SMG6: variants seen among roughly 807,000 people sequenced by gnomAD.
The protein encoded by SMG6 is telomerase-binding protein EST1A.
SMG6 carries 66 observed loss-of-function variants against 142.2 expected under a neutral mutation model. The ratio of observed to expected loss-of-function variants is 0.46; its 90% CI spans 0.38 to 0.57. SMG6 has a LOEUF of 0.57. Among genes scored for constraint, SMG6 ranks in the 20% least tolerant of loss-of-function variants. The pLI is 0.00. For missense variants in SMG6, 1,793 were observed against 1,832.0 expected (o/e 0.98, Z 0.39); for synonymous variants, 779 against 702.4 (o/e 1.11, Z -1.72).
chr17:2,209,830 T>C (rs188843040), intron 10 of SMG6, among the ~76,000 whole-genome samples: 111 of 152,280 alleles, frequency 7.3e-4, no homozygotes, highest in Admixed American at 4.5e-3. Flanking sequence ...AATATATGTA[T>C]ACAAAAGTGA....
intron 10 of SMG6, chr17:2,229,558 C>G (rs1291154524): frequency 6.6e-6 from 1 of 152,188 alleles, no homozygotes; most frequent in Non-Finnish European, 1.5e-5. Context: ...AAACAGGACA[C>G]AAAATATCTG....
chr17:2,236,967 T>A, intron 9 of SMG6: 1 of 457,874 alleles, frequency 2.2e-6, no homozygotes, highest in Non-Finnish European at 3.0e-6. Flanking sequence ...AGTTTCTCTC[T>A]GAAACCATCG....
chr17:2,159,837 A>C (rs1344956778), intron 13 of SMG6, among the ~76,000 whole-genome samples: 1 of 152,252 alleles, frequency 6.6e-6, no homozygotes, highest in East Asian at 1.9e-4. Flanking sequence ...CTCATCAATA[A>C]ACGACTGAAA....
intron 8 of SMG6, among the ~76,000 whole-genome samples, chr17:2,279,266 A>G (rs2074729685): frequency 6.6e-6 from 1 of 152,196 alleles, no homozygotes; most frequent in Non-Finnish European, 1.5e-5. Flanking sequence ...AGGAGCCAGA[A>G]AAGAGCTTGG....
chr17:2,214,627 T>G (rs375823349), intron 10 of SMG6, among the ~76,000 whole-genome samples: 2 of 152,322 alleles, frequency 1.3e-5, no homozygotes, highest in South Asian at 2.1e-4. Flanking sequence ...AGGTGTATAT[T>G]AAACAAACTA....
chr17:2,092,175 G>A lies in SMG6; in HGVS notation c.3358-6274C>T, dbSNP rs573280695. ...TAATTTATGTATTTTCAGTAGAGAC[G>A]GGGTTTCGCCATGTTGGCCAGGCTG... is the stretch of plus-strand genomic sequence containing the variant. On this transcript the variant is annotated intron_variant, in intron 13 of 18. Transcript: ENST00000263073. Among the ~76,000 whole-genome samples the A allele has an allele frequency of 1.4e-4, 21 of 152,134 alleles. No homozygotes were observed. In the South Asian group the frequency reaches 4.4e-3, roughly 32 times the overall value.
chr17:2,260,215 G>A (rs993122217), intron 8 of SMG6, among the ~76,000 whole-genome samples: 5 of 152,178 alleles, frequency 3.3e-5, no homozygotes, highest in African/African-American at 7.2e-5. Context: ...CCTGGCATTC[G>A]CCTTGACACT....
intron 8 of SMG6, among the ~76,000 whole-genome samples, chr17:2,272,778 A>T (rs1160770126): frequency 6.6e-6 from 1 of 151,954 alleles, no homozygotes; most frequent in Admixed American, 6.6e-5. Context: ...CTCTACTAAA[A>T]ATACTAAAAA....
chr17:2,210,652 C>A (rs1045050072), intron 10 of SMG6, among the ~76,000 whole-genome samples: 1 of 149,626 alleles, frequency 6.7e-6, no homozygotes, highest in African/African-American at 2.5e-5. Flanking sequence ...GGATGCTGCA[C>A]GAGAAAGAGG....
intron 8 of SMG6, among the ~76,000 whole-genome samples, chr17:2,257,693 C>T (rs1007939005): frequency 6.6e-5 from 10 of 151,990 alleles, no homozygotes; most frequent in Non-Finnish European, 1.5e-4. Flanking sequence ...ATTTATCTTC[C>T]AGCCCAGTGG....
intron 13 of SMG6, among the ~76,000 whole-genome samples, chr17:2,120,353 TAACTC>T (rs1567613121): frequency 6.6e-6 from 1 of 151,606 alleles, no homozygotes; most frequent in Non-Finnish European, 1.5e-5. Flanking sequence ...AACAAGAAAA[TAACTC>T]AAGAAAATGG....
intron 13 of SMG6, among the ~76,000 whole-genome samples, chr17:2,121,529 TTA>T (rs947837926): frequency 1.4e-5 from 2 of 143,174 alleles, no homozygotes; most frequent in Non-Finnish European, 3.0e-5. Flanking sequence ...TATAATATAA[TTA>T]TATGATTATT....
intron 6 of SMG6, among the ~76,000 whole-genome samples, chr17:2,289,700 C>CACG (rs2074988102): frequency 6.6e-6 from 1 of 151,906 alleles, no homozygotes; most frequent in African/African-American, 2.4e-5. Context: ...CACTTGAGGT[C>CACG]ACAAGTTCAA....
intron 13 of SMG6, among the ~76,000 whole-genome samples, chr17:2,110,081 CA>C (rs57135671): frequency 0.019 from 1,672 of 87,578 alleles, 10 homozygotes; most frequent in East Asian, 0.11. Flanking sequence ...GATTCCATCT[CA>C]AAAAAAAAAA....
intron 10 of SMG6, among the ~76,000 whole-genome samples, chr17:2,203,922 A>G (rs891496796): frequency 2.0e-5 from 3 of 152,138 alleles, no homozygotes; most frequent in African/African-American, 4.8e-5. Flanking sequence ...TTCTGCTTCC[A>G]TTTTTACAAA....
intron 6 of SMG6, among the ~76,000 whole-genome samples, chr17:2,290,406 C>T (rs1271793804): frequency 1.3e-5 from 2 of 152,172 alleles, no homozygotes; most frequent in Non-Finnish European, 2.9e-5. Flanking sequence ...ACTGTATATC[C>T]ACCTGCATCA....
At chr17:2,228,686 T>C (rs191430690) in intron 10 of SMG6, among the ~76,000 whole-genome samples, 2 of 152,304 alleles carry the variant, frequency 1.3e-5, no homozygotes, top group Admixed American at 6.5e-5. Flanking sequence ...TACATATATA[T>C]ACATATACAC....
At chr17:2,211,589 G>A (rs531146894) in intron 10 of SMG6, among the ~76,000 whole-genome samples, 15 of 151,592 alleles carry the variant, frequency 9.9e-5, no homozygotes, top group African/African-American at 2.2e-4. Flanking sequence ...GCGTGAACCC[G>A]GGATGTGGAG....
At chr17:2,230,066 A>G (rs1017710775) in intron 10 of SMG6, among the ~76,000 whole-genome samples, 1 of 150,958 alleles carries the variant, frequency 6.6e-6, no homozygotes, top group Non-Finnish European at 1.5e-5. Flanking sequence ...TGTGCCTGTA[A>G]TCCCAGCTAC....
Sources: gnomAD v4.1 joint callset for allele counts (sites outside exome capture counted in the v4.1 genomes callset) on GRCh38, gnomAD v4.1.1 for gene constraint, MANE v1.5 for transcripts, NCBI Gene and HGNC (gene_info 2026-07-23, HGNC 2026-07-21) for gene names.